Variants in SYT6 observed in about 807,000 individuals in gnomAD.
SYT6 encodes the protein synaptotagmin-6.
SYT6 carries 24 observed loss-of-function variants against 38.4 expected under a neutral mutation model. That is an observed-to-expected ratio of 0.62 (90% CI 0.45 to 0.88). The LOEUF (loss-of-function observed/expected upper bound fraction) is 0.88. SYT6 is among the 40% of genes least tolerant of loss of function. The probability of loss-of-function intolerance (pLI) is 0.00; values close to 1 mark genes in which losing one functional copy is unlikely to be tolerated. For missense variants in SYT6, 611 were observed against 621.0 expected, an observed-to-expected ratio of 0.98 and a Z score of 0.17; for synonymous variants, 265 against 241.9, an observed-to-expected ratio of 1.10 and a Z score of -0.89.
chr1:114,098,095 A>G (rs765220377), intron 5 of SYT6, among the ~76,000 whole-genome samples: 2 of 152,246 alleles, frequency 1.3e-5, no homozygotes, highest in Non-Finnish European at 2.9e-5. Context: ...AGCAAAGGTT[A>G]TAAACTTGTT....
intron 3 of SYT6, among the ~76,000 whole-genome samples, chr1:114,116,043 CT>C (rs1676974041): frequency 7.7e-6 from 1 of 129,426 alleles, no homozygotes; most frequent in South Asian, 2.4e-4. Context: ...AGAGAGAAAG[CT>C]CTGAGACTTA....
intron 3 of SYT6, among the ~76,000 whole-genome samples, chr1:114,116,343 G>A (rs1020779181): frequency 2.0e-5 from 3 of 152,250 alleles, no homozygotes; most frequent in East Asian, 1.9e-4. Flanking sequence ...TCCCCAACGC[G>A]GCAGTTCAGT....
chr1:114,119,330 C>T (rs1313199306), intron 3 of SYT6, among the ~76,000 whole-genome samples: 1 of 152,160 alleles, frequency 6.6e-6, no homozygotes, highest in Admixed American at 6.5e-5. Context: ...CTACTGGATG[C>T]AAGGCCAGGG....
intron 3 of SYT6, 110 bp from the exon 4 acceptor site, chr1:114,103,831 C>A: frequency 7.2e-7 from 1 of 1,393,910 alleles, no homozygotes. Flanking sequence ...CTCTTGGAGA[C>A]ACTGTGCTGT....
At chr1:114,112,869 C>T (rs999598888) in intron 3 of SYT6, among the ~76,000 whole-genome samples, 6 of 152,202 alleles carry the variant, frequency 3.9e-5, no homozygotes, top group Admixed American at 3.9e-4. Flanking sequence ...GACATCTCCC[C>T]GTGGTGAGAG....
rs966559176 is a variant in SYT6 at position 114,091,517 on chromosome 1, T to C, written c.*617A>G. On this transcript the variant is annotated 3_prime_UTR_variant, in exon 8 of 8. Transcript: ENST00000610222. Reference sequence around the variant, plus strand: ...GTTTATGTCCTGCCAGCGAAGAGCTTCAAAGACTAGTAATTCACCTCACAA... The same window carrying C: ...GTTTATGTCCTGCCAGCGAAGAGCTCCAAAGACTAGTAATTCACCTCACAA... 6.6e-6 allele frequency: 1 copy of C among 152,612 alleles called. No homozygotes were observed. Among genetic ancestry groups the C allele is most frequent in the Non-Finnish European group, 1.5e-5 (1 of 68,280 alleles). 9.5% of individuals were successfully genotyped at this position (152,612 alleles called of 1,614,324 possible). A position where few individuals can be genotyped will look rare whatever the true frequency, so the allele number is the denominator to read the frequency against.
Position 114,109,351 on chromosome 1 carries a change from G to A in SYT6, c.1072-5630C>T, listed in dbSNP as rs182874639. 7.9e-5 allele frequency among the ~76,000 whole-genome samples: 12 copies of A among 152,312 alleles called. No individual in the cohort carries two copies. The East Asian group carries it at 1.3e-3, about 17-fold the overall frequency. On this transcript the variant is annotated intron_variant, in intron 3 of 7. Coordinates refer to ENST00000610222, the MANE Select transcript of SYT6 (RefSeq NM_001253772.2). ...TGTGTAGCCCAGTGCCTGATGTGTA[G>A]TAAGTGCTCAGCAAATACTGGCTAA...
intron 3 of SYT6, among the ~76,000 whole-genome samples, chr1:114,127,546 T>C (rs1258519745): frequency 1.3e-5 from 2 of 152,318 alleles, no homozygotes; most frequent in African/African-American, 4.8e-5. Context: ...GACCCCTCCC[T>C]GCACCCTCCA....
At chr1:114,117,404 T>C (rs1677065629) in intron 3 of SYT6, among the ~76,000 whole-genome samples, 1 of 152,210 alleles carries the variant, frequency 6.6e-6, no homozygotes, top group South Asian at 2.1e-4. Flanking sequence ...GGGTGTGCAG[T>C]CCCCACTGCC....
intron 3 of SYT6, among the ~76,000 whole-genome samples, chr1:114,127,259 G>T (rs1249273663): frequency 6.6e-6 from 1 of 152,210 alleles, no homozygotes; most frequent in Non-Finnish European, 1.5e-5. Context: ...CCTCACCTGT[G>T]GTGGAAGGGG....
At chr1:114,125,214 C>T (rs2101050818) in intron 3 of SYT6, among the ~76,000 whole-genome samples, 1 of 152,354 alleles carries the variant, frequency 6.6e-6, no homozygotes, top group Admixed American at 6.5e-5. Context: ...AGACGATCAG[C>T]AGGGTAGGAC....
intron 6 of SYT6, among the ~76,000 whole-genome samples, chr1:114,096,629 C>T (rs554209777): frequency 1.3e-5 from 2 of 152,278 alleles, no homozygotes; most frequent in East Asian, 3.9e-4. Context: ...CATGAGAGGG[C>T]AGGGAGCCGG....
At chr1:114,126,550 TGC>T (rs968304136) in intron 3 of SYT6, among the ~76,000 whole-genome samples, 25 of 152,280 alleles carry the variant, frequency 1.6e-4, no homozygotes, top group African/African-American at 5.5e-4. Context: ...TGTCACTGTG[TGC>T]TATTAGGTGG....
chr1:114,106,612 C>T (rs1676327831), intron 3 of SYT6, among the ~76,000 whole-genome samples: 1 of 152,142 alleles, frequency 6.6e-6, no homozygotes, highest in African/African-American at 2.4e-5. Context: ...CTGTGCCAAC[C>T]CTCTGCTCCA....
At position 114,109,978 on chromosome 1, in the gene SYT6, G is replaced by C. The variant is rs970310995; in HGVS notation, c.1072-6257C>G. ...CAGGGAGTGTTCGGGGCGCATGAGA[G>C]GTTCCCTGTGGCTGACAGCATGGTG... On this transcript the variant is annotated intron_variant, in intron 3 of 7. Transcript: ENST00000610222. Among the ~76,000 whole-genome samples, 4 of 152,212 alleles carry C rather than the reference G, an allele frequency of 2.6e-5. No individual in the cohort carries two copies. The East Asian group carries it at 7.7e-4, about 29-fold the overall frequency.
At chr1:114,095,891 A>C (rs1675608169) in intron 6 of SYT6, among the ~76,000 whole-genome samples, 2 of 151,792 alleles carry the variant, frequency 1.3e-5, no homozygotes, top group African/African-American at 4.8e-5. Flanking sequence ...CAATCTCCTG[A>C]CCTCATGATC....
intron 1 of SYT6, among the ~76,000 whole-genome samples, chr1:114,142,892 T>C (rs1367306508): frequency 1.3e-5 from 2 of 152,190 alleles, no homozygotes; most frequent in African/African-American, 4.8e-5. Context: ...TTGGGTGTAA[T>C]TTTATTGCAC....
At chr1:114,132,868 C>G (rs902866718) in intron 3 of SYT6, among the ~76,000 whole-genome samples, 9 of 152,222 alleles carry the variant, frequency 5.9e-5, no homozygotes, top group African/African-American at 1.2e-4. Context: ...TAATCCCCAT[C>G]TTGCTGATGT....
Position 114,109,649 on chromosome 1 carries a change from A to G in SYT6, c.1072-5928T>C, listed in dbSNP as rs189975529. Among the ~76,000 whole-genome samples, 5 of 152,366 alleles carry G rather than the reference A, an allele frequency of 3.3e-5. No individual in the cohort carries two copies. The East Asian group carries it at 9.6e-4, about 29-fold the overall frequency. On this transcript the variant is annotated intron_variant, in intron 3 of 7. Coordinates refer to ENST00000610222, the MANE Select transcript of SYT6 (RefSeq NM_001253772.2). The stretch of plus-strand genomic sequence containing the variant: ...TGCTTAGTAAGTATTGGCAACTATT[A>G]TAATTATTACTACTGTTATAAAGAG...
Sources: allele counts gnomAD v4.1 joint callset (sites outside exome capture counted in the v4.1 genomes callset), GRCh38; gene constraint gnomAD v4.1.1; transcripts MANE v1.5; gene names NCBI Gene and HGNC (gene_info 2026-07-23, HGNC 2026-07-21).